The following STX16 variants were observed in gnomAD, a reference collection of about 807,000 sequenced individuals.
STX16 encodes the protein syntaxin 16, also known as syntaxin-16.
Under a neutral mutation model 42.7 loss-of-function variants are expected in STX16, and 28 were observed. The observed-to-expected ratio is 0.66, with a 90% CI of 0.49 to 0.90. The LOEUF is 0.90. STX16 is among the 40% of genes least tolerant of loss of function. The pLI is 0.00. For missense variants in STX16, 361 were observed against 420.9 expected (o/e 0.86, Z 1.24); for synonymous variants, 156 against 155.2 (o/e 1.00, Z -0.04).
rs2123039724 is a variant in STX16 at position 58,678,124 on chromosome 20, C to G, written c.*1833C>G. On this transcript the variant is annotated 3_prime_UTR_variant, in exon 9 of 9. Transcript: ENST00000371141. ...GACGTTCCAAGTTAGATCTGCTGCT[C>G]TTAGGTGTGGGGCTGTCCACATTAG... 6.6e-6 allele frequency: 1 copy of G among 152,328 alleles called. No homozygotes were observed. Among genetic ancestry groups the G allele is most frequent in the East Asian group, 1.9e-4 (1 of 5,186 alleles). The allele number at this position is 152,328 out of a possible 1,614,324, so 9.4% of individuals were successfully genotyped here. A position where few individuals can be genotyped will look rare whatever the true frequency, so the allele number is the denominator to read the frequency against.
chr20:58,651,936 A>T lies in STX16; in HGVS notation c.-71A>T. On this transcript the variant is annotated 5_prime_UTR_variant, in exon 1 of 9. Transcript: ENST00000371141. ...AAGGGTGGGCCAGCCGGGCCACGAG[A>T]AAGAAAGTGAATAAATCAGGAATAT... is the stretch of plus-strand genomic sequence containing the variant. 1 of 1,543,062 alleles carries T rather than the reference A, an allele frequency of 6.5e-7. No homozygotes were observed. Among genetic ancestry groups the T allele is most frequent in the Non-Finnish European group, 8.9e-7 (1 of 1,122,362 alleles).
rs749766894 is a variant in STX16, at chr20:58,677,725, G to A, written c.*1434G>A. 4.6e-5 allele frequency: 7 copies of A among 152,166 alleles called. No homozygotes were observed. The highest frequency in any genetic ancestry group is 1.9e-4 in the East Asian group (1 of 5,196). The allele number at this position is 152,166 out of a possible 1,614,324, so 9.4% of individuals were successfully genotyped here. A position where few individuals can be genotyped will look rare whatever the true frequency, so the allele number is the denominator to read the frequency against. ...TTTATTTGGACCAGTCACACAAAATGTCTCTCTAGAGTTGACTTTAAAGTT... is the reference window on the plus strand; with the variant it reads ...TTTATTTGGACCAGTCACACAAAATATCTCTCTAGAGTTGACTTTAAAGTT... On this transcript the variant is annotated 3_prime_UTR_variant, in exon 9 of 9. Coordinates refer to ENST00000371141, the MANE Select transcript of STX16 (RefSeq NM_001001433.3).
Position 58,666,922 on chromosome 20 carries a change from C to T in STX16, c.145-568C>T, listed in dbSNP as rs374183723. Among the ~76,000 whole-genome samples the T allele has an allele frequency of 2.2e-4, 34 of 152,290 alleles. 1 individual carries two copies. The highest frequency in any genetic ancestry group is 1.7e-3 in the East Asian group (9 of 5,190). ...TGCCAAATGGTAGATAATTTGCTAGCGGTTTTAGGCAGTTGTTTCACACAT... is the reference window on the plus strand; with the variant it reads ...TGCCAAATGGTAGATAATTTGCTAGTGGTTTTAGGCAGTTGTTTCACACAT... On this transcript the variant is annotated intron_variant, in intron 2 of 8. Transcript: ENST00000371141.
intron 1 of STX16, among the ~76,000 whole-genome samples, chr20:58,658,637 T>TA (rs1302174301): frequency 2.6e-5 from 4 of 152,230 alleles, no homozygotes; most frequent in Non-Finnish European, 5.9e-5. Flanking sequence ...CTGCTAAACA[T>TA]AAAAAAACAC....
intron 2 of STX16, among the ~76,000 whole-genome samples, chr20:58,663,530 G>T (rs895270187): frequency 1.3e-5 from 2 of 152,170 alleles, no homozygotes; most frequent in African/African-American, 4.8e-5. Context: ...AGGAAGGATG[G>T]CTCTAGGTTA....
At chr20:58,673,322 G>C (rs964168092) in intron 7 of STX16, among the ~76,000 whole-genome samples, 2 of 152,148 alleles carry the variant, frequency 1.3e-5, no homozygotes, top group African/African-American at 4.8e-5. Flanking sequence ...CTGGACCATA[G>C]ATTTCTTAGG....
chr20:58,652,405 T>A, intron 1 of STX16: 1 of 510,610 alleles, frequency 2.0e-6, no homozygotes, highest in East Asian at 4.5e-5. Context: ...TTGGCGTCAC[T>A]GCGCTACAGG....
Position 58,668,108 on chromosome 20 carries a change from C to G in STX16, c.374C>G (p.Thr125Ser). The G allele has an allele frequency of 6.2e-7, 1 of 1,614,252 alleles. No individual in the cohort carries two copies. The highest frequency in any genetic ancestry group is 8.5e-7 in the Non-Finnish European group (1 of 1,180,036). ...GAAGAGGAACATGCCATTGAGATAA[C>G]TACCCAAGAGATCACTCAGGTGAGG... ...SSEEEHAIEITTQEITQLFHR... is the reference protein window; with the variant it reads ...SSEEEHAIEISTQEITQLFHR... The change falls in exon 4 of 9, where the codon ACT (threonine) becomes AGT (serine). Residue 125 changes from threonine to serine, a missense_variant. By Grantham distance (58) the Thr-to-Ser change is moderately conservative. Transcript: ENST00000371141.
intron 2 of STX16, among the ~76,000 whole-genome samples, chr20:58,662,888 A>G (rs1240802245): frequency 6.6e-6 from 1 of 152,246 alleles, no homozygotes; most frequent in Admixed American, 6.5e-5. Flanking sequence ...AAAGGTAAGC[A>G]TTATTTTAAA....
chr20:58,651,437 T>G lies in STX16; in HGVS notation c.-570T>G, dbSNP rs2083451171. 1 of 153,466 alleles carries G rather than the reference T, an allele frequency of 6.5e-6. No individual in the cohort carries two copies. Among genetic ancestry groups the G allele is most frequent in the Non-Finnish European group, 1.5e-5 (1 of 68,810 alleles). 9.5% of individuals were successfully genotyped at this position (153,466 alleles called of 1,614,324 possible). A position where few individuals can be genotyped will look rare whatever the true frequency, so the allele number is the denominator to read the frequency against. ...GAGGTCGGGCAGGGCCTCAGCAGGT[T>G]CAGACAAGTCCCCAGAAGGGAGCTG... On this transcript the variant is annotated 5_prime_UTR_variant, in exon 1 of 9. Transcript: ENST00000371141.
chr20:58,669,573 T>C (rs2083922685), intron 5 of STX16, 120 bp downstream of exon 5: 2 of 1,223,492 alleles, frequency 1.6e-6, no homozygotes, highest in Admixed American at 6.0e-5. Context: ...TTGAACATGC[T>C]CATACCTTGT....
At chr20:58,661,727 C>T (rs2083704853) in intron 2 of STX16, among the ~76,000 whole-genome samples, 1 of 152,212 alleles carries the variant, frequency 6.6e-6, no homozygotes, top group South Asian at 2.1e-4. Flanking sequence ...GGCCTAGGAG[C>T]AGGGGGTGTG....
In STX16 at chr20:58,678,761, T is replaced by C. The variant is rs2084201591; in HGVS notation, c.*2470T>C. On this transcript the variant is annotated 3_prime_UTR_variant, in exon 9 of 9. Coordinates refer to ENST00000371141, the MANE Select transcript of STX16 (RefSeq NM_001001433.3). ...TTGGGGTCCTCAAACCACTGTATTT[T>C]TCTGTTGAGCCTGTACTTGGGGAGA... 1 of 152,288 alleles carries C rather than the reference T, an allele frequency of 6.6e-6. No individual in the cohort carries two copies. Among genetic ancestry groups the C allele is most frequent in the South Asian group, 2.1e-4 (1 of 4,828 alleles). 9.4% of individuals were successfully genotyped at this position (152,288 alleles called of 1,614,324 possible). A position where few individuals can be genotyped will look rare whatever the true frequency, so the allele number is the denominator to read the frequency against.
chr20:58,660,758 T>C (rs8121068), intron 2 of STX16, among the ~76,000 whole-genome samples: 11,081 of 145,604 alleles, frequency 0.076, 482 homozygotes, highest in African/African-American at 0.089. Flanking sequence ...ATAACTCATA[T>C]TTATGCTTGT....
chr20:58,655,855 A>T (rs2083573791), intron 1 of STX16, among the ~76,000 whole-genome samples: 1 of 152,168 alleles, frequency 6.6e-6, no homozygotes, highest in African/African-American at 2.4e-5. Context: ...AACTGAGCAA[A>T]ATTCTACTTT....
rs1302283129 is a variant in STX16 at position 58,679,445 on chromosome 20, TTTACTG to T, written c.*3161_*3166del. On this transcript the variant is annotated 3_prime_UTR_variant, in exon 9 of 9. Coordinates refer to ENST00000371141, the MANE Select transcript of STX16 (RefSeq NM_001001433.3). ...CTTTTTTGTCCTTTTTTAAAACCAA[TTTACTG>T]TTACTGGAAACTTTTTGTACAATAA... The T allele has an allele frequency of 1.3e-5, 2 of 152,432 alleles. No individual in the cohort carries two copies. The highest frequency in any genetic ancestry group is 2.9e-5 in the Non-Finnish European group (2 of 67,910). The allele number at this position is 152,432 out of a possible 1,614,324, so 9.4% of individuals were successfully genotyped here. A position where few individuals can be genotyped will look rare whatever the true frequency, so the allele number is the denominator to read the frequency against.
intron 1 of STX16, among the ~76,000 whole-genome samples, chr20:58,658,267 G>A (rs2083623022): frequency 6.6e-6 from 1 of 152,114 alleles, no homozygotes; most frequent in African/African-American, 2.4e-5. Flanking sequence ...CTTGCATCAT[G>A]TTTTATTAAT....
At position 58,651,626 on chromosome 20, in the gene STX16, CAG is replaced by C. The variant is rs2083456272; in HGVS notation, c.-380_-379del. 1 of 204,774 alleles carries C rather than the reference CAG, an allele frequency of 4.9e-6. No individual in the cohort carries two copies. Among genetic ancestry groups the C allele is most frequent in the African/African-American group, 2.3e-5 (1 of 42,718 alleles). The allele number at this position is 204,774 out of a possible 1,614,324, so 12.7% of individuals were successfully genotyped here. A position where few individuals can be genotyped will look rare whatever the true frequency, so the allele number is the denominator to read the frequency against. The stretch of plus-strand genomic sequence containing the variant: ...GAGAGCAGAGACCTCCGGGGGGTCT[CAG>C]GGAGTAGGGGGCTTCAGGGCCTCCC... On this transcript the variant is annotated 5_prime_UTR_variant, in exon 1 of 9. Coordinates refer to ENST00000371141, the MANE Select transcript of STX16 (RefSeq NM_001001433.3).
intron 4 of STX16, 30 bp downstream of exon 4, chr20:58,668,157 C>A (rs2083881473): frequency 1.2e-6 from 2 of 1,611,810 alleles, no homozygotes; most frequent in Non-Finnish European, 1.7e-6. Context: ...CCTGGGGAAA[C>A]CAGCGAGCCT....
Sources: gnomAD v4.1 joint callset for allele counts (sites outside exome capture counted in the v4.1 genomes callset) on GRCh38, gnomAD v4.1.1 for gene constraint, MANE v1.5 for transcripts, NCBI Gene and HGNC (gene_info 2026-07-23, HGNC 2026-07-21) for gene names.